ZNF469: variants seen among roughly 807,000 people sequenced by gnomAD.
ZNF469 encodes the protein zinc finger protein 469.
ZNF469 carries 1 observed loss-of-function variant against 1.0 expected under a neutral mutation model. The observed-to-expected ratio is 1.00, with a 90% CI of 0.35 to 4.73. The LOEUF is 4.73. ZNF469 is among the 30% of genes most tolerant of loss of function. ZNF469 has a pLI of 0.16. For missense variants in ZNF469, 6,100 were observed against 5,356.3 expected (o/e 1.14, Z -4.33); for synonymous variants, 2,703 against 2,363.4 (o/e 1.14, Z -4.17).
At chr16:88,247,253 A>G in the ZNF469 span, among the ~76,000 whole-genome samples, 17 of 57,964 alleles carry the variant, frequency 2.9e-4, no homozygotes, top group Middle Eastern at 0.01. Context: ...GAATGAGTGA[A>G]GGAACAAGTG....
the ZNF469 span, among the ~76,000 whole-genome samples, chr16:88,311,019 G>C: frequency 6.6e-6 from 1 of 152,104 alleles, no homozygotes; most frequent in Non-Finnish European, 1.5e-5. Flanking sequence ...TCCCACCCAG[G>C]ATTTGCTCGT....
At chr16:88,402,059 G>A (rs1180612822) in intron 1 of ZNF469, among the ~76,000 whole-genome samples, 3 of 148,440 alleles carry the variant, frequency 2.0e-5, no homozygotes, top group African/African-American at 7.8e-5. Context: ...TGCATGGATG[G>A]ATGGATGGAT....
chr16:88,255,887 T>C, the ZNF469 span, among the ~76,000 whole-genome samples: 2 of 152,216 alleles, frequency 1.3e-5, no homozygotes, highest in East Asian at 3.9e-4. Flanking sequence ...TGGGCTGGCA[T>C]GTCTCTGGTT....
chr16:88,351,593 G>T, the ZNF469 span, among the ~76,000 whole-genome samples: 2 of 152,156 alleles, frequency 1.3e-5, no homozygotes, highest in African/African-American at 4.8e-5. Context: ...AAAGGACAAA[G>T]GGGCCGCCGA....
At chr16:88,157,754 G>C in the ZNF469 span, among the ~76,000 whole-genome samples, 2 of 152,166 alleles carry the variant, frequency 1.3e-5, no homozygotes, top group African/African-American at 2.4e-5. Flanking sequence ...CCCCCATCCC[G>C]AGTCTGGGTC....
At chr16:88,168,643 T>C in the ZNF469 span, among the ~76,000 whole-genome samples, 16,895 of 152,260 alleles carry the variant, frequency 0.11, 1,144 homozygotes, top group African/African-American at 0.17. The surrounding 1 kb of genome is among the most constrained non-coding windows in gnomAD (Gnocchi z 4.3). Flanking sequence ...AACAGTTTGT[T>C]TATCTGTCCA....
At chr16:88,413,360 G>A (rs1836603541) in intron 1 of ZNF469, among the ~76,000 whole-genome samples, 2 of 152,148 alleles carry the variant, frequency 1.3e-5, no homozygotes, top group Admixed American at 6.5e-5. Flanking sequence ...ACCCACCTGT[G>A]GGCCCTGGAG....
intron 1 of ZNF469, among the ~76,000 whole-genome samples, chr16:88,422,916 G>A (rs1432643536): frequency 5.6e-5 from 8 of 143,790 alleles, no homozygotes; most frequent in Non-Finnish European, 7.6e-5. Flanking sequence ...GGACGGATGG[G>A]TGGATGGGTG....
chr16:88,432,838 G>A lies in ZNF469; in HGVS notation c.5368G>A (p.Ala1790Thr). Residue 1790 changes from alanine (A) to threonine (T), a missense_variant, in exon 3 of 3, where the codon GCC becomes ACC. Coordinates refer to ENST00000565624, the MANE Select transcript of ZNF469 (RefSeq NM_001367624.2). ...PGTADQPHRG[A>T]PAPEAFGSPA... is the part of the protein sequence containing the mutation. ...CACAGCAGACCAGCCCCACCGAGGGGCCCCTGCTCCAGAAGCTTTTGGCAG... is the reference window on the plus strand; with the variant it reads ...CACAGCAGACCAGCCCCACCGAGGGACCCCTGCTCCAGAAGCTTTTGGCAG... The A allele has an allele frequency of 6.5e-7, 1 of 1,550,106 alleles. No individual in the cohort carries two copies. The highest frequency in any genetic ancestry group is 2.0e-5 in the Admixed American group (1 of 50,996).
chr16:88,248,308 T>TG, the ZNF469 span, among the ~76,000 whole-genome samples: 1 of 152,214 alleles, frequency 6.6e-6, no homozygotes, highest in South Asian at 2.1e-4. Flanking sequence ...GGACCAAGCG[T>TG]GAAAAAGGCG....
At chr16:88,141,825 C>A in the ZNF469 span, among the ~76,000 whole-genome samples, 2 of 152,196 alleles carry the variant, frequency 1.3e-5, no homozygotes, top group African/African-American at 2.4e-5. Flanking sequence ...CCTCTGGAAG[C>A]CAGAAAAGGC....
chr16:88,346,133 C>T, the ZNF469 span, among the ~76,000 whole-genome samples: 614 of 152,312 alleles, frequency 4.0e-3, 4 homozygotes, highest in Non-Finnish European at 6.9e-3. Flanking sequence ...CCTACTCTTC[C>T]TCCGTGGGTG....
the ZNF469 span, among the ~76,000 whole-genome samples, chr16:88,331,402 C>T: frequency 5.3e-5 from 8 of 151,510 alleles, no homozygotes; most frequent in East Asian, 9.8e-4. Context: ...TCACTACCAT[C>T]GTCATCACCA....
At chr16:88,276,235 C>T in the ZNF469 span, among the ~76,000 whole-genome samples, 1 of 152,128 alleles carries the variant, frequency 6.6e-6, no homozygotes, top group Admixed American at 6.5e-5. Flanking sequence ...TGGCCAGGCC[C>T]CTGTGCGTGT....
rs769163265 is a variant in ZNF469 at position 88,438,549 on chromosome 16, C to G, written c.11079C>G (p.Leu3693=). The change falls in exon 3 of 3, where the codon CTC becomes CTG. Residue 3693 remains leucine, a synonymous_variant. Coordinates refer to ENST00000565624, the MANE Select transcript of ZNF469 (RefSeq NM_001367624.2). ...CAGCATCCACCCCCAGCAAAGCACT[C>G]AAGTTCCCAGTGCACCCAAGGAAGG... ...RSAASTPSKA[L]KFPVHPRKAV... is the part of the protein sequence containing the mutation. 7 of 1,550,180 alleles carry G rather than the reference C, an allele frequency of 4.5e-6. No individual in the cohort carries two copies. The African/African-American group carries it at 5.5e-5, about 12-fold the overall frequency.
the ZNF469 span, among the ~76,000 whole-genome samples, chr16:88,156,009 G>A: frequency 6.6e-6 from 1 of 152,196 alleles, no homozygotes; most frequent in East Asian, 1.9e-4. Context: ...ATGACACTGA[G>A]TACCTTTCCA....
At chr16:88,286,625 T>C in the ZNF469 span, among the ~76,000 whole-genome samples, 2 of 152,356 alleles carry the variant, frequency 1.3e-5, no homozygotes, top group African/African-American at 2.4e-5. Context: ...GACAGGAACA[T>C]TCTGCATTCA....
At chr16:88,136,073 C>T in the ZNF469 span, among the ~76,000 whole-genome samples, 1 of 152,104 alleles carries the variant, frequency 6.6e-6, no homozygotes, top group Non-Finnish European at 1.5e-5. Context: ...ATGTTTTATT[C>T]TATGTGTTCA....
At chr16:88,374,905 A>G in the ZNF469 span, among the ~76,000 whole-genome samples, 1 of 152,186 alleles carries the variant, frequency 6.6e-6, no homozygotes, top group Non-Finnish European at 1.5e-5. Flanking sequence ...GCAGATGTAA[A>G]GGTTTTACCT....
Sources: gnomAD v4.1 joint callset for allele counts (sites outside exome capture counted in the v4.1 genomes callset) on GRCh38, gnomAD v4.1.1 for gene constraint, Gnocchi (gnomAD v3.1) non-coding constraint, MANE v1.5 for transcripts, NCBI Gene and HGNC (gene_info 2026-07-23, HGNC 2026-07-21) for gene names.